Variants in GRK7 observed in about 807,000 individuals in gnomAD.
GRK7 encodes the protein G protein-coupled receptor kinase 7.
A neutral mutation model predicts 34.1 loss-of-function variants in GRK7; 24 were observed. The observed-to-expected ratio is 0.70, with a 90% CI of 0.51 to 0.99. The LOEUF (loss-of-function observed/expected upper bound fraction) is 0.99. Ranked by LOEUF, GRK7 falls within the 50% of genes least tolerant of loss-of-function variation. The pLI is 0.00. For synonymous variants in GRK7, 256 were observed against 279.4 expected, an observed-to-expected ratio of 0.92 and a Z score of 0.84; for missense variants, 644 against 707.3, an observed-to-expected ratio of 0.91 and a Z score of 1.02.
At chr3:141,754,659 AG>A in the GRK7 span, among the ~76,000 whole-genome samples, 2 of 152,130 alleles carry the variant, frequency 1.3e-5, no homozygotes, top group African/African-American at 4.8e-5. Flanking sequence ...TCAGAGATGA[AG>A]CTTTTGGTTT....
intron 4 of GRK7, among the ~76,000 whole-genome samples, chr3:141,797,089 G>A (rs775345049): frequency 4.6e-5 from 7 of 152,200 alleles, no homozygotes; most frequent in Non-Finnish European, 7.3e-5. Flanking sequence ...CGCCAGTGTG[G>A]GAGCCATTTC....
chr3:141,766,758 T>C (rs2084583474), intron 1 of GRK7, among the ~76,000 whole-genome samples: 1 of 152,272 alleles, frequency 6.6e-6, no homozygotes, highest in Admixed American at 6.5e-5. Context: ...TTGCTAACAT[T>C]GTATTGTTTG....
intron 4 of GRK7, among the ~76,000 whole-genome samples, chr3:141,803,751 T>A (rs759207507): frequency 3.9e-5 from 6 of 152,178 alleles, no homozygotes; most frequent in Non-Finnish European, 8.8e-5. Flanking sequence ...AGACGGAGTC[T>A]TGCTGTGTCA....
At chr3:141,750,415 A>G in the GRK7 span, among the ~76,000 whole-genome samples, 2 of 152,258 alleles carry the variant, frequency 1.3e-5, no homozygotes, top group South Asian at 4.1e-4. Context: ...TGTTGGCTCT[A>G]TCATTTACTA....
chr3:141,769,908 T>TTTTG (rs150100495), intron 1 of GRK7, among the ~76,000 whole-genome samples: 24 of 151,936 alleles, frequency 1.6e-4, no homozygotes, highest in Middle Eastern at 3.4e-3. Context: ...ACCAACAAGG[T>TTTTG]TTTGTTTGTT....
chr3:141,763,831 A>G lies in GRK7; in HGVS notation c.-2122A>G, dbSNP rs1351275678. Among the ~76,000 whole-genome samples the G allele has an allele frequency of 6.6e-6, 1 of 152,040 alleles. No individual in the cohort carries two copies. The highest frequency in any genetic ancestry group is 1.5e-5 in the Non-Finnish European group (1 of 67,984). Reference sequence around the variant, plus strand: ...CTGAAACTTGTCCTCTGTGCCCTCCAATATTTACACCAACAAAATTTCCTC... The same window carrying G: ...CTGAAACTTGTCCTCTGTGCCCTCCGATATTTACACCAACAAAATTTCCTC... On this transcript the variant is annotated 5_prime_UTR_variant, in exon 1 of 6. Coordinates refer to ENST00000682958, the MANE Select transcript of GRK7 (RefSeq NM_139209.3).
intron 4 of GRK7, among the ~76,000 whole-genome samples, chr3:141,788,074 A>C (rs572156209): frequency 2.6e-5 from 4 of 152,336 alleles, no homozygotes; most frequent in African/African-American, 9.6e-5. Flanking sequence ...ATTTTAATAG[A>C]ACTGGAGGCT....
rs1431723476 is a variant in GRK7, at chr3:141,778,991, A to G, written c.612+95A>G. 1 of 1,214,642 alleles carries G rather than the reference A, an allele frequency of 8.2e-7. No homozygotes were observed. Among genetic ancestry groups the G allele is most frequent in the Admixed American group, 2.4e-5 (1 of 42,050 alleles). 75.2% of individuals were successfully genotyped at this position (1,214,642 alleles called of 1,614,324 possible). A position where few individuals can be genotyped will look rare whatever the true frequency, so the allele number is the denominator to read the frequency against. On this transcript the variant is annotated intron_variant, in intron 3 of 5. Transcript: ENST00000682958. The surrounding 1 kb of genome is among the most constrained non-coding windows in gnomAD (Gnocchi z 4.1). ...TTTTTTTAAATCTCAGTTACTTAGA[A>G]CTAATTTCAGCACCATATGTGGAGG...
intron 5 of GRK7, among the ~76,000 whole-genome samples, chr3:141,813,025 C>G (rs972669487): frequency 1.3e-5 from 2 of 152,164 alleles, no homozygotes; most frequent in African/African-American, 4.8e-5. Context: ...CTCTATCCTT[C>G]TGCCATGTTT....
Position 141,764,644 on chromosome 3 carries a change from A to G in GRK7, c.-1309A>G, listed in dbSNP as rs1313279197. 1.3e-5 allele frequency among the ~76,000 whole-genome samples: 2 copies of G among 152,084 alleles called. No homozygotes were observed. Among genetic ancestry groups the G allele is most frequent in the East Asian group, 1.9e-4 (1 of 5,186 alleles). On this transcript the variant is annotated 5_prime_UTR_variant, in exon 1 of 6. Transcript: ENST00000682958. ...GATCACACCCAGTCCTGTGGCTCTA[A>G]AGGCCATTTATATCTGGGGTGACTC... is the stretch of plus-strand genomic sequence containing the variant.
intron 4 of GRK7, among the ~76,000 whole-genome samples, chr3:141,789,663 A>AAAAAAAAC (rs2084714318): frequency 6.8e-6 from 1 of 146,770 alleles, no homozygotes; most frequent in African/African-American, 2.6e-5. Flanking sequence ...GGGCAAAAAA[A>AAAAAAAAC]AAAAAAACAC....
chr3:141,774,870 G>C (rs192356857), intron 2 of GRK7, among the ~76,000 whole-genome samples, 190 bp downstream of exon 2: 21 of 151,792 alleles, frequency 1.4e-4, no homozygotes, highest in Non-Finnish European at 2.8e-4. Context: ...TCGGTTCACT[G>C]CAGCTTCCGC....
intron 4 of GRK7, among the ~76,000 whole-genome samples, chr3:141,786,031 A>C (rs1389532212): frequency 6.6e-6 from 1 of 152,148 alleles, no homozygotes; most frequent in African/African-American, 2.4e-5. Flanking sequence ...AGGAGAAGAA[A>C]AAAGAGGAGA....
rs180906460 is a variant in GRK7 at position 141,792,993 on chromosome 3, G to A, written c.1050+12182G>A. On this transcript the variant is annotated intron_variant, in intron 4 of 5. Transcript: ENST00000682958. ...TGGAGGCTTCCAGGAAGATGAACAAGAACACATCCACGTGCTGGGAGTGTG... is the reference window on the plus strand; with the variant it reads ...TGGAGGCTTCCAGGAAGATGAACAAAAACACATCCACGTGCTGGGAGTGTG... 1.7e-3 allele frequency among the ~76,000 whole-genome samples: 255 copies of A among 152,320 alleles called. 2 individuals are homozygous for A. The highest frequency in any genetic ancestry group is 3.4e-3 in the Middle Eastern group (1 of 294).
In GRK7 at chr3:141,778,180, A is replaced by C; in HGVS notation, c.-105A>C. ...ACGGGTCCCACCCACAGGCCACAGG[A>C]CTCACTGTAAATCCCTTGGACGTTG... On this transcript the variant is annotated 5_prime_UTR_variant, in exon 3 of 6. Coordinates refer to ENST00000682958, the MANE Select transcript of GRK7 (RefSeq NM_139209.3). This position sits in a 1 kb window ranked among gnomAD's most constrained non-coding sequence, Gnocchi z 4.1. 7.2e-7 allele frequency: 1 copy of C among 1,394,284 alleles called. No homozygotes were observed. Among genetic ancestry groups the C allele is most frequent in the South Asian group, 1.4e-5 (1 of 70,800 alleles). The allele number at this position is 1,394,284 out of a possible 1,614,324, so 86.4% of individuals were successfully genotyped here. A position where few individuals can be genotyped will look rare whatever the true frequency, so the allele number is the denominator to read the frequency against.
the GRK7 span, among the ~76,000 whole-genome samples, chr3:141,752,003 A>G: frequency 2.0e-5 from 3 of 152,242 alleles, no homozygotes; most frequent in African/African-American, 7.2e-5. Flanking sequence ...TAAAACTAGG[A>G]TGTTGAACAT....
chr3:141,755,084 C>T, the GRK7 span, among the ~76,000 whole-genome samples: 35 of 152,320 alleles, frequency 2.3e-4, no homozygotes, highest in African/African-American at 8.4e-4. Context: ...TGCCAAGGTT[C>T]TAGAGAGTAC....
the GRK7 span, among the ~76,000 whole-genome samples, chr3:141,755,547 AAAG>A: frequency 1.3e-5 from 2 of 152,262 alleles, no homozygotes; most frequent in South Asian, 2.1e-4. Flanking sequence ...ATGTTTCACA[AAAG>A]AAGAAGTCTA....
chr3:141,782,541 G>A (rs541322175), intron 4 of GRK7, among the ~76,000 whole-genome samples: 5 of 152,278 alleles, frequency 3.3e-5, no homozygotes, highest in Non-Finnish European at 7.4e-5. Context: ...TAGACGTGGG[G>A]ATTTGGAGTT....
Sources: allele counts gnomAD v4.1 joint callset (sites outside exome capture counted in the v4.1 genomes callset), GRCh38; gene constraint gnomAD v4.1.1; non-coding constraint Gnocchi (gnomAD v3.1); transcripts MANE v1.5; gene names NCBI Gene and HGNC (gene_info 2026-07-23, HGNC 2026-07-21).